Variants in MAP2K5 observed in about 807,000 individuals in gnomAD.
MAP2K5 encodes mitogen-activated protein kinase kinase 5.
Under a neutral mutation model 83.1 loss-of-function variants are expected in MAP2K5, and 49 were observed. The observed-to-expected ratio is 0.59, with a 90% CI of 0.47 to 0.75. MAP2K5 has a LOEUF of 0.75. MAP2K5 is among the 30% of genes least tolerant of loss of function. MAP2K5 has a pLI of 0.00. For synonymous variants in MAP2K5, 202 were observed against 191.8 expected, an observed-to-expected ratio of 1.05 and a Z score of -0.44; for missense variants, 457 against 557.5, an observed-to-expected ratio of 0.82 and a Z score of 1.82.
chr15:67,746,954 T>G lies in MAP2K5; in HGVS notation c.1075-1277T>G, dbSNP rs1180072656. Among the ~76,000 whole-genome samples, 1 of 152,134 alleles carries G rather than the reference T, an allele frequency of 6.6e-6. No individual in the cohort carries two copies. ...ACAGTCTAGGTGAGAGGAACCAACA[T>G]GTCAAAATGGATAATTTATCAACAA... On this transcript the variant is annotated intron_variant, in intron 17 of 21. Transcript: ENST00000178640. The surrounding 1 kb of genome is among the most constrained non-coding windows in gnomAD (Gnocchi z 4.1).
intron 16 of MAP2K5, among the ~76,000 whole-genome samples, chr15:67,727,067 T>C (rs2089112363): frequency 6.6e-6 from 1 of 151,966 alleles, no homozygotes; most frequent in African/African-American, 2.4e-5. Context: ...GGCATGATGG[T>C]GTGCGCCTGT....
At position 67,561,157 on chromosome 15, in the gene MAP2K5, A is replaced by T. The variant is rs2084729017; in HGVS notation, c.185-2126A>T. ...CAAGTTCAGAACTTCATAAAGAACAAATCAGTTTAGCCTACATTTAAAGAG... is the reference window on the plus strand; with the variant it reads ...CAAGTTCAGAACTTCATAAAGAACATATCAGTTTAGCCTACATTTAAAGAG... On this transcript the variant is annotated intron_variant, in intron 2 of 21. Transcript: ENST00000178640. The surrounding 1 kb of genome is among the most constrained non-coding windows in gnomAD (Gnocchi z 4.2). Among the ~76,000 whole-genome samples, 2 of 152,236 alleles carry T rather than the reference A, an allele frequency of 1.3e-5. No homozygotes were observed. Among genetic ancestry groups the T allele is most frequent in the South Asian group, 4.1e-4 (2 of 4,828 alleles).
chr15:67,723,347 A>C (rs1012451441), intron 16 of MAP2K5, among the ~76,000 whole-genome samples: 3 of 152,212 alleles, frequency 2.0e-5, no homozygotes, highest in Non-Finnish European at 2.9e-5. Context: ...CTGCTAACTG[A>C]AGAGCATTTT....
intron 9 of MAP2K5, among the ~76,000 whole-genome samples, chr15:67,635,270 G>A (rs949311106): frequency 3.3e-5 from 5 of 151,338 alleles, no homozygotes; most frequent in African/African-American, 1.2e-4. Flanking sequence ...CGCCTCCTGG[G>A]TTCACACCAT....
rs150679608 is a variant in MAP2K5, at chr15:67,545,476, C to A, written c.135+2006C>A. The stretch of plus-strand genomic sequence containing the variant: ...AGGCAAGTCAGTCTACCTCTCTGAG[C>A]CTTAGTTTCCTTATTTGTAAAACAG... On this transcript the variant is annotated intron_variant, in intron 1 of 21. Coordinates refer to ENST00000178640, the MANE Select transcript of MAP2K5 (RefSeq NM_145160.3). Among the ~76,000 whole-genome samples, 338 of 152,264 alleles carry A rather than the reference C, an allele frequency of 2.2e-3. 2 individuals carry two copies. The highest frequency in any genetic ancestry group is 7.6e-3 in the African/African-American group (316 of 41,542).
intron 8 of MAP2K5, among the ~76,000 whole-genome samples, chr15:67,601,528 T>TC (rs1281738121): frequency 6.6e-6 from 1 of 152,202 alleles, no homozygotes; most frequent in African/African-American, 2.4e-5. Flanking sequence ...GAGCTGGTTT[T>TC]CCATGTATAC....
chr15:67,654,940 C>T (rs192822191), intron 11 of MAP2K5, among the ~76,000 whole-genome samples: 1 of 152,020 alleles, frequency 6.6e-6, no homozygotes, highest in East Asian at 1.9e-4. Context: ...TGGTGCATGC[C>T]TGTAATCCCA....
At chr15:67,711,316 C>G (rs1189546851) in intron 16 of MAP2K5, among the ~76,000 whole-genome samples, 1 of 152,150 alleles carries the variant, frequency 6.6e-6, no homozygotes, top group Non-Finnish European at 1.5e-5. Context: ...GAGAATAGAT[C>G]ACAGTGTTGT....
chr15:67,745,330 A>G (rs2089581431), intron 17 of MAP2K5, among the ~76,000 whole-genome samples: 1 of 152,256 alleles, frequency 6.6e-6, no homozygotes, highest in Non-Finnish European at 1.5e-5. Flanking sequence ...TTTGGAAGGC[A>G]GACCCAGAAT....
intron 6 of MAP2K5, among the ~76,000 whole-genome samples, chr15:67,589,594 T>C (rs1382408555): frequency 6.6e-6 from 1 of 152,268 alleles, no homozygotes; most frequent in African/African-American, 2.4e-5. Flanking sequence ...ATGAAAGGCA[T>C]TCTATAAATG....
At chr15:67,706,739 T>C (rs1317388372) in intron 16 of MAP2K5, among the ~76,000 whole-genome samples, 2 of 152,142 alleles carry the variant, frequency 1.3e-5, no homozygotes, top group Non-Finnish European at 2.9e-5. Flanking sequence ...ACACAAGTAA[T>C]AGACCAGTAA....
chr15:67,632,254 A>C (rs1236228348), intron 9 of MAP2K5, among the ~76,000 whole-genome samples: 1 of 151,844 alleles, frequency 6.6e-6, no homozygotes, highest in African/African-American at 2.4e-5. Context: ...GTGCATCACC[A>C]TGCCTTGCTA....
At chr15:67,696,425 T>C (rs1421110070) in intron 15 of MAP2K5, among the ~76,000 whole-genome samples, 2 of 152,160 alleles carry the variant, frequency 1.3e-5, no homozygotes, top group Non-Finnish European at 2.9e-5. Flanking sequence ...ATATGGCTCA[T>C]AACATGAAAA....
chr15:67,584,064 T>C (rs2085240713), intron 4 of MAP2K5, among the ~76,000 whole-genome samples: 1 of 152,170 alleles, frequency 6.6e-6, no homozygotes, highest in Non-Finnish European at 1.5e-5. Flanking sequence ...TCTGATGTAA[T>C]AACATGTTCT....
chr15:67,629,718 C>T (rs533328392), intron 8 of MAP2K5, among the ~76,000 whole-genome samples: 7 of 151,838 alleles, frequency 4.6e-5, no homozygotes, highest in South Asian at 2.1e-4. Context: ...GAGGAAGAGC[C>T]GTCTGATCTT....
chr15:67,547,077 A>AACACACACATAC (rs2084403959), intron 1 of MAP2K5, among the ~76,000 whole-genome samples: 3 of 144,092 alleles, frequency 2.1e-5, no homozygotes, highest in Non-Finnish European at 4.5e-5. Flanking sequence ...AAAAGAAGAA[A>AACACACACATAC]ACACACACAC....
At chr15:67,578,379 TC>T (rs2085108542) in intron 3 of MAP2K5, among the ~76,000 whole-genome samples, 1 of 152,216 alleles carries the variant, frequency 6.6e-6, no homozygotes, top group Non-Finnish European at 1.5e-5. Flanking sequence ...TGGTGGCTGT[TC>T]CTCAGGGGCC....
chr15:67,612,258 G>A (rs6494675), intron 8 of MAP2K5, among the ~76,000 whole-genome samples: 22,126 of 151,810 alleles, frequency 0.15, 2,076 homozygotes, highest in African/African-American at 0.25. Context: ...ATGTGACACC[G>A]TTAAGTTTTA....
intron 9 of MAP2K5, among the ~76,000 whole-genome samples, chr15:67,643,590 G>T (rs973215404): frequency 7.2e-5 from 11 of 152,132 alleles, no homozygotes; most frequent in Non-Finnish European, 1.2e-4. Context: ...GGGACTACAG[G>T]TGCCCGCCAC....
Sources: gnomAD v4.1 joint callset for allele counts (sites outside exome capture counted in the v4.1 genomes callset) on GRCh38, gnomAD v4.1.1 for gene constraint, Gnocchi (gnomAD v3.1) non-coding constraint, MANE v1.5 for transcripts, NCBI Gene and HGNC (gene_info 2026-07-23, HGNC 2026-07-21) for gene names.